CTNNA2: variants seen among roughly 807,000 people sequenced by gnomAD.
CTNNA2 encodes the protein catenin alpha 2, also known as catenin alpha-2.
A neutral mutation model predicts 101.0 loss-of-function variants in CTNNA2; 42 were observed. The ratio of observed to expected loss-of-function variants is 0.42; its 90% CI spans 0.32 to 0.54. The LOEUF is 0.54. Ranked by LOEUF, CTNNA2 falls within the 20% of genes least tolerant of loss-of-function variation. The pLI is 0.14. For synonymous variants in CTNNA2, 450 were observed against 456.4 expected, an observed-to-expected ratio of 0.99 and a Z score of 0.18; for missense variants, 871 against 1,223.1, an observed-to-expected ratio of 0.71 and a Z score of 4.29.
At chr2:80,562,388 A>G (rs1305719982) in intron 12 of CTNNA2, among the ~76,000 whole-genome samples, 1 of 152,184 alleles carries the variant, frequency 6.6e-6, no homozygotes, top group African/African-American at 2.4e-5. Flanking sequence ...ACTCTCTCAT[A>G]AGATAAATGC....
chr2:80,594,099 A>G (rs1696742535), intron 15 of CTNNA2, among the ~76,000 whole-genome samples: 1 of 152,142 alleles, frequency 6.6e-6, no homozygotes. Context: ...AGCAATACAC[A>G]AGTGTTCAAA....
chr2:79,626,467 T>A (rs563589091), intron 1 of CTNNA2, among the ~76,000 whole-genome samples: 9 of 152,286 alleles, frequency 5.9e-5, no homozygotes, highest in African/African-American at 1.9e-4. Flanking sequence ...CAAACTCTGA[T>A]AGTAAAGCCT....
chr2:80,256,400 G>C (rs1672151348), intron 7 of CTNNA2, among the ~76,000 whole-genome samples: 1 of 152,138 alleles, frequency 6.6e-6, no homozygotes, highest in African/African-American at 2.4e-5. Context: ...TGTTGAGACA[G>C]CTGCGGCACA....
At chr2:79,412,133 C>G (rs1288523828) in intron 4 of CTNNA2, among the ~76,000 whole-genome samples, 1 of 151,944 alleles carries the variant, frequency 6.6e-6, no homozygotes, top group African/African-American at 2.4e-5. Flanking sequence ...CAACAAAGAT[C>G]AAAAGAGACA....
chr2:80,107,378 TAGG>T (rs758895189), intron 7 of CTNNA2, among the ~76,000 whole-genome samples: 2 of 151,878 alleles, frequency 1.3e-5, no homozygotes, highest in Admixed American at 6.6e-5. Flanking sequence ...TGGTTGGCCC[TAGG>T]AGGAGAGATG....
intron 4 of CTNNA2, among the ~76,000 whole-genome samples, chr2:79,457,466 T>A (rs1670838032): frequency 6.6e-6 from 1 of 152,070 alleles, no homozygotes; most frequent in Non-Finnish European, 1.5e-5. Context: ...GAAAGGAAAA[T>A]GATTATAAAT....
intron 7 of CTNNA2, among the ~76,000 whole-genome samples, chr2:80,255,013 G>A (rs545783087): frequency 6.6e-6 from 1 of 152,132 alleles, no homozygotes; most frequent in African/African-American, 2.4e-5. Flanking sequence ...AAGCTTCTAG[G>A]GTTATCCTGA....
intron 1 of CTNNA2, 90 bp from the exon 2 acceptor site, chr2:79,651,462 A>C: frequency 8.1e-7 from 1 of 1,236,544 alleles, no homozygotes; most frequent in South Asian, 1.3e-5. Context: ...AGTATGTTCT[A>C]AGTTTCAGTG....
chr2:79,937,618 G>GA (rs1231591717), intron 7 of CTNNA2, among the ~76,000 whole-genome samples: 1 of 151,922 alleles, frequency 6.6e-6, no homozygotes, highest in Admixed American at 6.6e-5. Flanking sequence ...GATAACCACA[G>GA]AAAAAAATAC....
chr2:80,302,116 G>T lies in CTNNA2; in HGVS notation c.1057-91095G>T. 1 of 1,174,906 alleles carries T rather than the reference G, an allele frequency of 8.5e-7. No individual in the cohort carries two copies. Among genetic ancestry groups the T allele is most frequent in the Non-Finnish European group, 1.2e-6 (1 of 859,796 alleles). The allele number at this position is 1,174,906 out of a possible 1,614,324, so 72.8% of individuals were successfully genotyped here. A position where few individuals can be genotyped will look rare whatever the true frequency, so the allele number is the denominator to read the frequency against. ...ATAAAGCTAAAATGTCAAGTCTCTG[G>T]GAGAGATCCCCTTAAAGTTTCAGTC... On this transcript the variant is annotated intron_variant, in intron 7 of 18. Coordinates refer to ENST00000402739, the MANE Select transcript of CTNNA2 (RefSeq NM_001282597.3). The surrounding 1 kb of genome is among the most constrained non-coding windows in gnomAD (Gnocchi z 6.4).
intron 1 of CTNNA2, among the ~76,000 whole-genome samples, chr2:79,521,848 C>A (rs545270871): frequency 6.6e-6 from 1 of 152,056 alleles, no homozygotes; most frequent in Non-Finnish European, 1.5e-5. Flanking sequence ...GATTCTAGCC[C>A]ACAGCATGAA....
intron 7 of CTNNA2, among the ~76,000 whole-genome samples, chr2:80,281,005 G>T (rs576251546): frequency 1.3e-5 from 2 of 152,122 alleles, no homozygotes; most frequent in Middle Eastern, 3.4e-3. Flanking sequence ...TTCCCCCTCG[G>T]TTTATTTTTG....
chr2:80,036,624 A>G (rs1451999696), intron 7 of CTNNA2, among the ~76,000 whole-genome samples: 1 of 152,074 alleles, frequency 6.6e-6, no homozygotes, highest in African/African-American at 2.4e-5. Flanking sequence ...AATAGGAACA[A>G]AAGTAAATAA....
intron 2 of CTNNA2, among the ~76,000 whole-genome samples, chr2:79,279,238 AC>A (rs1675296213): frequency 6.6e-6 from 1 of 152,092 alleles, no homozygotes; most frequent in Non-Finnish European, 1.5e-5. Context: ...CTGAAGAGAG[AC>A]CTAAGTAACT....
intron 1 of CTNNA2, 142 bp from the exon 2 acceptor site, chr2:79,651,410 C>T: frequency 2.7e-6 from 2 of 737,286 alleles, no homozygotes; most frequent in Middle Eastern, 2.6e-4. Flanking sequence ...CTGGTTTTTC[C>T]ATCTCTAATT....
chr2:80,420,398 T>G (rs1481132837), intron 9 of CTNNA2, among the ~76,000 whole-genome samples: 1 of 151,768 alleles, frequency 6.6e-6, no homozygotes, highest in African/African-American at 2.4e-5. Flanking sequence ...TCCTGGAAAA[T>G]TTAGGGAATG....
intron 9 of CTNNA2, among the ~76,000 whole-genome samples, chr2:80,498,262 C>T (rs1036245207): frequency 5.3e-5 from 8 of 152,180 alleles, no homozygotes; most frequent in Non-Finnish European, 8.8e-5. Flanking sequence ...TATAGCTGGA[C>T]ATGGCCATGG....
chr2:80,244,724 C>T (rs1303950159), intron 7 of CTNNA2, among the ~76,000 whole-genome samples: 1 of 152,186 alleles, frequency 6.6e-6, no homozygotes, highest in Non-Finnish European at 1.5e-5. Flanking sequence ...TCATTTCGTA[C>T]ATCTTAAAAT....
intron 6 of CTNNA2, among the ~76,000 whole-genome samples, chr2:79,878,735 G>C (rs1336163119): frequency 1.3e-5 from 2 of 152,154 alleles, no homozygotes; most frequent in African/African-American, 4.8e-5. Flanking sequence ...ACTTTTGTCA[G>C]ATGAGTCGAT....
Sources: gnomAD v4.1 joint callset for allele counts (sites outside exome capture counted in the v4.1 genomes callset) on GRCh38, gnomAD v4.1.1 for gene constraint, Gnocchi (gnomAD v3.1) non-coding constraint, MANE v1.5 for transcripts, NCBI Gene and HGNC (gene_info 2026-07-23, HGNC 2026-07-21) for gene names.